Variants in NUBPL observed in about 807,000 individuals in gnomAD.
The protein encoded by NUBPL is iron-sulfur cluster transfer protein NUBPL.
A neutral mutation model predicts 45.7 loss-of-function variants in NUBPL; 31 were observed. The ratio of observed to expected loss-of-function variants is 0.68; its 90% CI spans 0.51 to 0.92. The LOEUF (loss-of-function observed/expected upper bound fraction) is 0.92. NUBPL is among the 40% of genes least tolerant of loss of function. NUBPL has a pLI of 0.00. For synonymous variants in NUBPL, 144 were observed against 140.9 expected (o/e 1.02, Z -0.15); for missense variants, 401 against 398.7 (o/e 1.01, Z -0.05).
intron 4 of NUBPL, among the ~76,000 whole-genome samples, chr14:31,655,339 T>G (rs2036116136): frequency 6.6e-6 from 1 of 152,204 alleles, no homozygotes; most frequent in African/African-American, 2.4e-5. Flanking sequence ...TTAGCAGGCA[T>G]GAAGACAACA....
At chr14:31,582,363 A>G (rs971497672) in intron 3 of NUBPL, among the ~76,000 whole-genome samples, 1 of 148,238 alleles carries the variant, frequency 6.7e-6, no homozygotes, top group Non-Finnish European at 1.5e-5. Context: ...CAGGGGAAGG[A>G]TGTTTTCAGG....
intron 7 of NUBPL, among the ~76,000 whole-genome samples, chr14:31,823,257 T>G (rs990095097): frequency 6.6e-6 from 1 of 152,104 alleles, no homozygotes; most frequent in Non-Finnish European, 1.5e-5. Flanking sequence ...GATCTTTTGC[T>G]AAGTGCCTGT....
chr14:31,572,979 C>T (rs1017812559), intron 3 of NUBPL, among the ~76,000 whole-genome samples: 1 of 152,024 alleles, frequency 6.6e-6, no homozygotes, highest in Non-Finnish European at 1.5e-5. Context: ...AAAATGGTAC[C>T]CCTGCATAGG....
chr14:31,709,896 T>C (rs775213073), intron 6 of NUBPL, among the ~76,000 whole-genome samples: 9 of 152,136 alleles, frequency 5.9e-5, no homozygotes, highest in Non-Finnish European at 1.0e-4. Context: ...ATAGGGAGGC[T>C]AGGATATGGG....
chr14:31,669,147 A>C (rs1290000377), intron 4 of NUBPL, among the ~76,000 whole-genome samples: 1 of 152,142 alleles, frequency 6.6e-6, no homozygotes, highest in Admixed American at 6.5e-5. Flanking sequence ...ACAGGCATGC[A>C]CCACTGTGCC....
At chr14:31,748,438 TCCCTTA>T (rs1341152051) in intron 6 of NUBPL, among the ~76,000 whole-genome samples, 3 of 152,212 alleles carry the variant, frequency 2.0e-5, no homozygotes, top group Admixed American at 6.5e-5. Context: ...TTCAGTCTCT[TCCCTTA>T]GACTGAATAT....
At chr14:31,585,596 T>C (rs2033975331) in intron 3 of NUBPL, among the ~76,000 whole-genome samples, 1 of 152,244 alleles carries the variant, frequency 6.6e-6, no homozygotes. Flanking sequence ...GGTAACTCTC[T>C]GTCTAACTGT....
chr14:31,820,392 T>C (rs960926913), intron 7 of NUBPL, among the ~76,000 whole-genome samples: 3 of 152,180 alleles, frequency 2.0e-5, no homozygotes, highest in Non-Finnish European at 2.9e-5. Flanking sequence ...TATTGGCTCA[T>C]GTTTCTGGGA....
intron 6 of NUBPL, among the ~76,000 whole-genome samples, chr14:31,750,241 C>G (rs1021147105): frequency 6.6e-6 from 1 of 150,768 alleles, no homozygotes; most frequent in Non-Finnish European, 1.5e-5. Context: ...GTGGCGCAGC[C>G]TCGGCTCACT....
chr14:31,562,003 T>C (rs982500624), intron 1 of NUBPL, 65 bp from the exon 2 acceptor site: 46 of 1,516,778 alleles, frequency 3.0e-5, no homozygotes, highest in Non-Finnish European at 4.0e-5. Flanking sequence ...TTGTTTTTGC[T>C]TTTACAGTGT....
intron 4 of NUBPL, among the ~76,000 whole-genome samples, chr14:31,630,060 T>C (rs2035302295): frequency 6.6e-6 from 1 of 152,170 alleles, no homozygotes; most frequent in Non-Finnish European, 1.5e-5. Context: ...GTTAACTGCC[T>C]TTCTCTATTA....
chr14:31,703,024 G>C (rs917950734), intron 6 of NUBPL: 56 of 152,306 alleles, frequency 3.7e-4, no homozygotes, highest in African/African-American at 1.2e-3. Flanking sequence ...TTGACTCACT[G>C]TCTACTAGAG....
chr14:31,587,853 G>A (rs1317518930), intron 3 of NUBPL, among the ~76,000 whole-genome samples: 2 of 152,132 alleles, frequency 1.3e-5, no homozygotes, highest in Non-Finnish European at 2.9e-5. Context: ...AATAATAAGT[G>A]CACATTAAGG....
intron 4 of NUBPL, among the ~76,000 whole-genome samples, chr14:31,613,744 C>T (rs1271240645): frequency 6.6e-6 from 1 of 152,134 alleles, no homozygotes; most frequent in Non-Finnish European, 1.5e-5. Context: ...GTGTGAGCCA[C>T]TGCGCCCGGC....
chr14:31,761,266 A>G (rs949327676), intron 6 of NUBPL, among the ~76,000 whole-genome samples: 2 of 152,202 alleles, frequency 1.3e-5, no homozygotes, highest in South Asian at 2.1e-4. Context: ...GCAGCCTCCA[A>G]CTGTCCAATT....
chr14:31,748,716 G>A (rs770498531), intron 6 of NUBPL, among the ~76,000 whole-genome samples: 9 of 151,994 alleles, frequency 5.9e-5, no homozygotes, highest in South Asian at 4.2e-4. Flanking sequence ...GGGTTCAAGC[G>A]TTTCTCCTGT....
chr14:31,799,298 G>A (rs1031464442), intron 7 of NUBPL, among the ~76,000 whole-genome samples: 6 of 151,962 alleles, frequency 3.9e-5, no homozygotes, highest in African/African-American at 1.5e-4. Context: ...CATTTGGATG[G>A]AATATTTACA....
intron 6 of NUBPL, among the ~76,000 whole-genome samples, chr14:31,739,939 A>G (rs543580114): frequency 6.6e-6 from 1 of 152,128 alleles, no homozygotes; most frequent in Admixed American, 6.5e-5. Context: ...GGCTTCTTTC[A>G]CTTAGCAGTA....
At chr14:31,769,662 T>TTAA (rs563706021) in intron 6 of NUBPL, among the ~76,000 whole-genome samples, 6 of 149,158 alleles carry the variant, frequency 4.0e-5, no homozygotes, top group African/African-American at 1.5e-4. Context: ...TCCTTTTTTT[T>TTAA]AAAAAAAAAA....
Sources: gnomAD v4.1 joint callset for allele counts (sites outside exome capture counted in the v4.1 genomes callset) on GRCh38, gnomAD v4.1.1 for gene constraint, MANE v1.5 for transcripts, NCBI Gene and HGNC (gene_info 2026-07-23, HGNC 2026-07-21) for gene names.